Variants in SP2 observed in about 807,000 individuals in gnomAD.
The protein encoded by SP2 is Sp2 transcription factor, also known as transcription factor Sp2.
SP2 carries 9 observed loss-of-function variants against 50.1 expected under a neutral mutation model. The observed-to-expected ratio is 0.18, with a 90% CI of 0.11 to 0.31. The LOEUF is 0.31. SP2 is among the 10% of genes least tolerant of loss of function. The probability of loss-of-function intolerance (pLI) is 1.00; values close to 1 mark genes in which losing one functional copy is unlikely to be tolerated. For synonymous variants in SP2, 313 were observed against 326.6 expected, an observed-to-expected ratio of 0.96 and a Z score of 0.45; for missense variants, 581 against 806.5, an observed-to-expected ratio of 0.72 and a Z score of 3.39.
chr17:47,922,390 A>T (rs929325810), intron 3 of SP2, among the ~76,000 whole-genome samples: 4 of 152,086 alleles, frequency 2.6e-5, no homozygotes, highest in Non-Finnish European at 5.9e-5. Flanking sequence ...CCTAATATAC[A>T]AGTGTCTGTT....
At chr17:47,920,738 A>G (rs983285490) in intron 3 of SP2, among the ~76,000 whole-genome samples, 9 of 152,004 alleles carry the variant, frequency 5.9e-5, no homozygotes, top group African/African-American at 2.2e-4. Flanking sequence ...TGGCTCTTAT[A>G]TCCCTCTGAC....
rs748111168 is a variant in SP2 at position 47,917,139 on chromosome 17, C to G, written c.1059+9C>G. On this transcript the variant is annotated intron_variant, in intron 3 of 6. Coordinates refer to ENST00000376741, the MANE Select transcript of SP2 (RefSeq NM_003110.6). Reference sequence around the variant, plus strand: ...AGCCGACACCTACTCAGGTACCACACTCCCTGTACTGTCCTCCTTCTCCTC... The same window carrying G: ...AGCCGACACCTACTCAGGTACCACAGTCCCTGTACTGTCCTCCTTCTCCTC... 1 of 1,589,364 alleles carries G rather than the reference C, an allele frequency of 6.3e-7. No individual in the cohort carries two copies. The highest frequency in any genetic ancestry group is 1.8e-5 in the Admixed American group (1 of 57,118).
At chr17:47,922,076 T>C (rs943914033) in intron 3 of SP2, among the ~76,000 whole-genome samples, 2 of 152,210 alleles carry the variant, frequency 1.3e-5, no homozygotes, top group African/African-American at 2.4e-5. Flanking sequence ...GTGTTCCGTC[T>C]AGCCTTCTCC....
intron 1 of SP2, among the ~76,000 whole-genome samples, chr17:47,896,886 A>C (rs527262157): frequency 1.9e-3 from 293 of 152,352 alleles, no homozygotes; most frequent in African/African-American, 6.9e-3. Context: ...GTGTCAGGAC[A>C]CGAGAGCACT....
At chr17:47,923,424 A>T (rs1165707944) in intron 4 of SP2, 150 bp downstream of exon 4, 1 of 646,870 alleles carries the variant, frequency 1.5e-6, no homozygotes, top group Non-Finnish European at 2.7e-6. Context: ...CTTCTCACCT[A>T]GTCCTTACAA....
intron 5 of SP2, 85 bp from the exon 6 acceptor site, chr17:47,925,263 C>A: frequency 6.9e-7 from 1 of 1,439,494 alleles, no homozygotes; most frequent in Non-Finnish European, 9.5e-7. Flanking sequence ...CCCACATCCT[C>A]ACTGCATCCT....
Position 47,927,736 on chromosome 17 carries a change from T to A in SP2, c.1754T>A (p.Phe585Tyr). Reference protein sequence around the residue: ...HARTHTGDKRFECAQCQKRFM... With the variant: ...HARTHTGDKRYECAQCQKRFM... ...CTCCTCTTCCCAGGGGACAAACGCT[T>A]CGAGTGCGCCCAGTGTCAGAAGCGC... The change falls in exon 7 of 7, where the codon TTC (phenylalanine) becomes TAC (tyrosine). Residue 585 changes from phenylalanine to tyrosine, a missense_variant. This residue lies in a region of SP2 where 184 missense variants were observed against 315.5 expected (regional missense o/e 0.58). Transcript: ENST00000376741. 1 of 1,584,668 alleles carries A rather than the reference T, an allele frequency of 6.3e-7. No individual in the cohort carries two copies. Among genetic ancestry groups the A allele is most frequent in the Non-Finnish European group, 8.6e-7 (1 of 1,164,582 alleles).
intron 1 of SP2, among the ~76,000 whole-genome samples, chr17:47,905,874 G>A (rs1314348987): frequency 1.3e-5 from 2 of 152,226 alleles, no homozygotes; most frequent in Non-Finnish European, 2.9e-5. Context: ...GCAAATGGGA[G>A]AGAGTGTGCT....
At chr17:47,901,858 T>C (rs1423562961) in intron 1 of SP2, among the ~76,000 whole-genome samples, 1 of 152,186 alleles carries the variant, frequency 6.6e-6, no homozygotes, top group African/African-American at 2.4e-5. Context: ...CATTCACTTA[T>C]TCAACAAATA....
downstream of SP2, chr17:47,929,619 A>G (rs1368726806): frequency 6.5e-6 from 1 of 152,672 alleles, no homozygotes; most frequent in African/African-American, 2.4e-5. Context: ...AGATGCTACA[A>G]ATCTGAAATT....
intron 1 of SP2, among the ~76,000 whole-genome samples, chr17:47,910,651 T>G (rs2034945986): frequency 6.6e-6 from 1 of 152,230 alleles, no homozygotes; most frequent in African/African-American, 2.4e-5. Flanking sequence ...CCCAAATCAT[T>G]GCTTTTCCTT....
In SP2 at chr17:47,928,377, CCCA is replaced by C. The variant is rs1567706813; in HGVS notation, c.*556_*558del. ...CAGCTCTATTTAAAAAGTAAAGACACCCACCGACTCCTGATCCCCCTCTTTTTC... is the reference window on the plus strand; with the variant it reads ...CAGCTCTATTTAAAAAGTAAAGACACCCGACTCCTGATCCCCCTCTTTTTC... On this transcript the variant is annotated 3_prime_UTR_variant, in exon 7 of 7. Transcript: ENST00000376741. 1 of 154,690 alleles carries C rather than the reference CCCA, an allele frequency of 6.5e-6. No individual in the cohort carries two copies. The highest frequency in any genetic ancestry group is 1.5e-5 in the Non-Finnish European group (1 of 68,882). The allele number at this position is 154,690 out of a possible 1,614,324, so 9.6% of individuals were successfully genotyped here. A position where few individuals can be genotyped will look rare whatever the true frequency, so the allele number is the denominator to read the frequency against.
chr17:47,919,086 A>G (rs2035331884), intron 3 of SP2, among the ~76,000 whole-genome samples: 1 of 152,172 alleles, frequency 6.6e-6, no homozygotes, highest in African/African-American at 2.4e-5. Flanking sequence ...AGGGGCACAT[A>G]TCAGAAAACT....
At chr17:47,921,258 TG>T (rs2144030007) in intron 3 of SP2, among the ~76,000 whole-genome samples, 1 of 152,344 alleles carries the variant, frequency 6.6e-6, no homozygotes, top group South Asian at 2.1e-4. Flanking sequence ...GCTGCTTTTT[TG>T]TTTTTTTGAG....
chr17:47,925,438 G>A lies in SP2; in HGVS notation c.1638G>A (p.Val546=), dbSNP rs753192141. The A allele has an allele frequency of 1.9e-6, 3 of 1,614,216 alleles. No individual in the cohort carries two copies. The highest frequency in any genetic ancestry group is 2.7e-5 in the African/African-American group (2 of 75,066). ...AGACGTCCTTGCTGCGTGCCCATGT[G>A]CGCCTGCACACTGGCGAGCGGCCCT... ...FRKTSLLRAH[V]RLHTGERPFV... The change falls in exon 6 of 7, where the codon GTG becomes GTA. Residue 546 remains valine (V), a synonymous_variant. Transcript: ENST00000376741.
At chr17:47,904,997 C>T (rs1366224114) in intron 1 of SP2, among the ~76,000 whole-genome samples, 1 of 152,162 alleles carries the variant, frequency 6.6e-6, no homozygotes, top group Non-Finnish European at 1.5e-5. Flanking sequence ...GTCTTGAACC[C>T]CTGGCCTCAA....
intron 3 of SP2, chr17:47,917,650 C>T (rs1417667159): frequency 5.2e-5 from 11 of 211,260 alleles, no homozygotes; most frequent in African/African-American, 2.7e-4. Flanking sequence ...GAGATAGGGT[C>T]ATACTCTGTT....
chr17:47,911,218 C>T (rs1256153551), intron 1 of SP2, among the ~76,000 whole-genome samples: 1 of 151,884 alleles, frequency 6.6e-6, no homozygotes, highest in Non-Finnish European at 1.5e-5. Context: ...AGAGCAAGAC[C>T]TTGTTTCTAA....
chr17:47,925,267 G>A, intron 5 of SP2, 81 bp from the exon 6 acceptor site: 1 of 1,448,316 alleles, frequency 6.9e-7, no homozygotes, highest in Non-Finnish European at 9.5e-7. Context: ...CATCCTCACT[G>A]CATCCTGTTC....
Sources: gnomAD v4.1 joint callset for allele counts (sites outside exome capture counted in the v4.1 genomes callset) on GRCh38, gnomAD v4.1.1 for gene constraint, gnomAD v4.1.1 regional missense constraint, MANE v1.5 for transcripts, NCBI Gene and HGNC (gene_info 2026-07-23, HGNC 2026-07-21) for gene names.